Variants in KCNJ15 observed in about 807,000 individuals in gnomAD.
The protein encoded by KCNJ15 is potassium inwardly rectifying channel subfamily J member 15, also known as ATP-sensitive inward rectifier potassium channel 15.
KCNJ15 carries 14 observed loss-of-function variants against 23.0 expected under a neutral mutation model. That is an observed-to-expected ratio of 0.61 (90% CI 0.40 to 0.95). The LOEUF (loss-of-function observed/expected upper bound fraction) is 0.95. Ranked by LOEUF, KCNJ15 falls within the 40% of genes least tolerant of loss-of-function variation. The pLI, the probability that KCNJ15 is intolerant of heterozygous loss-of-function variation, is 0.00. For synonymous variants in KCNJ15, 185 were observed against 183.2 expected (o/e 1.01, Z -0.08); for missense variants, 388 against 461.8 (o/e 0.84, Z 1.46).
At chr21:38,260,093 A>G (rs902602002) in intron 1 of KCNJ15, among the ~76,000 whole-genome samples, 1 of 152,220 alleles carries the variant, frequency 6.6e-6, no homozygotes, top group Non-Finnish European at 1.5e-5. Context: ...TCCTTTATTT[A>G]TAAGTTCTGA....
chr21:38,259,507 TGTTTTA>T (rs1251632005), intron 1 of KCNJ15, among the ~76,000 whole-genome samples: 31 of 152,266 alleles, frequency 2.0e-4, no homozygotes, highest in African/African-American at 7.2e-4. Context: ...CTAAATATGT[TGTTTTA>T]ATTCTTTCAA....
upstream of KCNJ15, among the ~76,000 whole-genome samples, chr21:38,255,845 G>T (rs907176878): frequency 6.6e-6 from 1 of 152,154 alleles, no homozygotes; most frequent in Non-Finnish European, 1.5e-5. Flanking sequence ...GAAGCAAAGT[G>T]TTCCTCACCC....
intron 1 of KCNJ15, among the ~76,000 whole-genome samples, chr21:38,276,301 A>G (rs993217771): frequency 3.3e-5 from 5 of 152,132 alleles, no homozygotes; most frequent in African/African-American, 9.6e-5. Flanking sequence ...TTTGGTAATT[A>G]GGAGTCACTG....
chr21:38,291,184 C>T (rs1034457405), intron 1 of KCNJ15, among the ~76,000 whole-genome samples: 2 of 152,148 alleles, frequency 1.3e-5, no homozygotes, highest in African/African-American at 4.8e-5. Flanking sequence ...AAGTATTTAA[C>T]CACAAATTCC....
At chr21:38,259,714 G>T (rs888362905) in intron 1 of KCNJ15, among the ~76,000 whole-genome samples, 14 of 152,088 alleles carry the variant, frequency 9.2e-5, no homozygotes, top group Non-Finnish European at 2.1e-4. Flanking sequence ...CTCAGGAGTG[G>T]GGCTTTTGGT....
At chr21:38,291,584 A>T (rs894568305) in intron 1 of KCNJ15, 1 of 152,214 alleles carries the variant, frequency 6.6e-6, no homozygotes, top group Non-Finnish European at 1.5e-5. Flanking sequence ...TTCTTGGCTT[A>T]TTCATTTTCT....
At chr21:38,292,994 T>C (rs1304055692) in intron 1 of KCNJ15, among the ~76,000 whole-genome samples, 6 of 151,658 alleles carry the variant, frequency 4.0e-5, no homozygotes, top group Non-Finnish European at 7.4e-5. Flanking sequence ...AAGGAATATT[T>C]CAGAACTTTA....
chr21:38,235,697 T>G (rs1978555078), intron 1 of KCNJ15, among the ~76,000 whole-genome samples: 1 of 152,228 alleles, frequency 6.6e-6, no homozygotes, highest in Non-Finnish European at 1.5e-5. Flanking sequence ...CTCCTGTTTT[T>G]TTCTTTGTTT....
chr21:38,268,550 G>GAAA (rs576709021), intron 1 of KCNJ15, among the ~76,000 whole-genome samples: 752 of 47,138 alleles, frequency 0.016, 93 homozygotes, highest in Non-Finnish European at 0.021. Flanking sequence ...CTTAAAATCT[G>GAAA]AAAAAAAAAA....
upstream of KCNJ15, among the ~76,000 whole-genome samples, chr21:38,256,345 C>T (rs1980225470): frequency 9.6e-6 from 1 of 104,686 alleles, no homozygotes; most frequent in Non-Finnish European, 2.0e-5. Flanking sequence ...CAAATTTTGC[C>T]CATGTCTATT....
Position 38,305,056 on chromosome 21 carries a change from G to C in KCNJ15, c.*4667G>C, listed in dbSNP as rs1986005295. 8.7e-6 allele frequency: 1 copy of C among 114,886 alleles called. No individual in the cohort carries two copies. Among genetic ancestry groups the C allele is most frequent in the Non-Finnish European group, 1.8e-5 (1 of 54,124 alleles). The allele number at this position is 114,886 out of a possible 1,614,324, so 7.1% of individuals were successfully genotyped here. On this transcript the variant is annotated 3_prime_UTR_variant, in exon 3 of 3. Coordinates refer to ENST00000398938, the MANE Select transcript of KCNJ15 (RefSeq NM_170736.3). ...GATCGCGCCACTGCACTCCAGCCTGGGCAACAAAAGTAAAACTCCGTCTCA... is the reference window on the plus strand; with the variant it reads ...GATCGCGCCACTGCACTCCAGCCTGCGCAACAAAAGTAAAACTCCGTCTCA...
At chr21:38,281,712 A>G (rs1291602338) in intron 1 of KCNJ15, among the ~76,000 whole-genome samples, 3 of 152,188 alleles carry the variant, frequency 2.0e-5, no homozygotes, top group Non-Finnish European at 4.4e-5. Flanking sequence ...TGCTCTAGTG[A>G]ATAGTGCAGA....
chr21:38,248,365 T>C (rs1270425188), intron 1 of KCNJ15, among the ~76,000 whole-genome samples: 1 of 152,224 alleles, frequency 6.6e-6, no homozygotes, highest in Non-Finnish European at 1.5e-5. Context: ...TTATAGCTTA[T>C]CAGTACAATG....
At chr21:38,288,048 T>TTTTTTTTTTTTTA in intron 1 of KCNJ15, among the ~76,000 whole-genome samples, 1 of 101,830 alleles carries the variant, frequency 9.8e-6, no homozygotes, top group Non-Finnish European at 2.1e-5. Context: ...TTTTTTTTTT[T>TTTTTTTTTTTTTA]TTTTTTTTTT....
At chr21:38,234,579 G>A (rs79445652) in intron 1 of KCNJ15, among the ~76,000 whole-genome samples, 8 of 152,176 alleles carry the variant, frequency 5.3e-5, no homozygotes, top group African/African-American at 1.9e-4. Flanking sequence ...AGTTATTAAC[G>A]AGAGTTTCAC....
chr21:38,295,922 CA>C lies in KCNJ15; in HGVS notation c.-116-1003del, dbSNP rs1985104262. On this transcript the variant is annotated intron_variant, in intron 1 of 2. Transcript: ENST00000398938. ...GGTCATTTGCCAAACATGCTGTGGC[CA>C]CACTGGCAGGATCCAGCCTGTAAGA... Among the ~76,000 whole-genome samples the C allele has an allele frequency of 2.6e-5, 4 of 152,264 alleles. No homozygotes were observed. In the South Asian group the frequency reaches 8.3e-4, roughly 32 times the overall value.
At chr21:38,259,111 C>T (rs1319760183) in intron 1 of KCNJ15, among the ~76,000 whole-genome samples, 2 of 152,114 alleles carry the variant, frequency 1.3e-5, no homozygotes, top group East Asian at 1.9e-4. Context: ...GCTTTAGGCA[C>T]GGAATAGAGA....
chr21:38,295,767 TGAAA>T, intron 1 of KCNJ15, among the ~76,000 whole-genome samples: 1 of 152,318 alleles, frequency 6.6e-6, no homozygotes, highest in South Asian at 2.1e-4. Context: ...TCAAACTTCA[TGAAA>T]GAAGTCTGCT....
intron 1 of KCNJ15, among the ~76,000 whole-genome samples, chr21:38,293,380 A>C (rs1984819394): frequency 1.3e-5 from 2 of 152,172 alleles, no homozygotes; most frequent in East Asian, 3.9e-4. Flanking sequence ...CACCTGACAC[A>C]AGGGAGTAGG....
Sources: allele counts gnomAD v4.1 joint callset (sites outside exome capture counted in the v4.1 genomes callset), GRCh38; gene constraint gnomAD v4.1.1; transcripts MANE v1.5; gene names NCBI Gene and HGNC (gene_info 2026-07-23, HGNC 2026-07-21).